The following TBC1D31 variants were observed in gnomAD, a reference collection of about 807,000 sequenced individuals.
The protein encoded by TBC1D31 is TBC1 domain family member 31, also known as WD repeat domain 67.
TBC1D31 carries 99 observed loss-of-function variants against 132.9 expected under a neutral mutation model. The ratio of observed to expected loss-of-function variants is 0.74; its 90% CI spans 0.63 to 0.88. TBC1D31 has a LOEUF of 0.88. Among genes scored for constraint, TBC1D31 ranks in the 40% least tolerant of loss-of-function variants. The pLI, the probability that TBC1D31 is intolerant of heterozygous loss-of-function variation, is 0.00. For missense variants in TBC1D31, 1,134 were observed against 1,256.6 expected (o/e 0.90, Z 1.48); for synonymous variants, 385 against 419.4 (o/e 0.92, Z 1.00).
In TBC1D31 at chr8:123,149,836, T is replaced by C. The variant is rs558084444; in HGVS notation, c.2975-200T>C. Among the ~76,000 whole-genome samples the C allele has an allele frequency of 8.3e-4, 127 of 152,362 alleles. 1 individual carries two copies. Among genetic ancestry groups the C allele is most frequent in the Middle Eastern group, 3.4e-3 (1 of 294 alleles). On this transcript the variant is annotated intron_variant, in intron 20 of 21. Coordinates refer to ENST00000287380, the MANE Select transcript of TBC1D31 (RefSeq NM_145647.4). ...CTGAAAGTGTTTTTAAAGTACGTTT[T>C]ACAGAAATCAGCTCAGCTCTTAATT...
At chr8:123,081,891 G>A (rs1815195231) in intron 2 of TBC1D31, among the ~76,000 whole-genome samples, 1 of 152,096 alleles carries the variant, frequency 6.6e-6, no homozygotes, top group Non-Finnish European at 1.5e-5. Context: ...CAACATGTGG[G>A]AATTATGGGA....
intron 10 of TBC1D31, among the ~76,000 whole-genome samples, chr8:123,118,842 C>G (rs568072862): frequency 1.3e-5 from 2 of 152,306 alleles, no homozygotes; most frequent in East Asian, 3.9e-4. Flanking sequence ...AGGCAATCCT[C>G]TTGCCTCAGT....
At chr8:123,118,859 AGTAGTAGGCGTGT>A (rs1819200033) in intron 10 of TBC1D31, among the ~76,000 whole-genome samples, 1 of 152,140 alleles carries the variant, frequency 6.6e-6, no homozygotes, top group African/African-American at 2.4e-5. Context: ...CAGTCTCCTG[AGTAGTAGGCGTGT>A]GCCACCACAC....
At chr8:123,102,114 C>T (rs1817484475) in intron 7 of TBC1D31, 1 of 379,886 alleles carries the variant, frequency 2.6e-6, no homozygotes, top group African/African-American at 2.2e-5. Flanking sequence ...CCTCACTTCT[C>T]TTCTCTGGTT....
At chr8:123,158,824 G>A in the TBC1D31 span, among the ~76,000 whole-genome samples, 1 of 152,076 alleles carries the variant, frequency 6.6e-6, no homozygotes, top group Admixed American at 6.6e-5. Flanking sequence ...GGAGCTGCCG[G>A]GCGGGTGGCC....
intron 17 of TBC1D31, 57 bp from the exon 18 acceptor site, chr8:123,140,704 T>C (rs1038595075): frequency 2.8e-6 from 4 of 1,430,254 alleles, no homozygotes; most frequent in Non-Finnish European, 3.8e-6. Flanking sequence ...AAAAAGTCAT[T>C]TTTGTATTCT....
intron 16 of TBC1D31, among the ~76,000 whole-genome samples, chr8:123,131,695 C>T (rs1479763192): frequency 6.6e-6 from 1 of 152,104 alleles, no homozygotes; most frequent in Admixed American, 6.5e-5. Flanking sequence ...TGAGTACTTG[C>T]ACACATACTT....
intron 1 of TBC1D31, chr8:123,073,164 C>T (rs1000903869): frequency 1.4e-5 from 7 of 491,856 alleles, no homozygotes; most frequent in African/African-American, 1.4e-4. Flanking sequence ...GCTAGTGTCC[C>T]TGGCACGTAG....
rs149227080 is a variant in TBC1D31, at chr8:123,128,614, C to T, written c.2117+101C>T. The T allele has an allele frequency of 2.2e-3, 1,963 of 901,494 alleles. 25 individuals carry two copies. In the African/African-American group the frequency reaches 0.029, roughly 14 times the overall value. 55.8% of individuals were successfully genotyped at this position (901,494 alleles called of 1,614,324 possible). A position where few individuals can be genotyped will look rare whatever the true frequency, so the allele number is the denominator to read the frequency against. On this transcript the variant is annotated intron_variant, in intron 14 of 21. Transcript: ENST00000287380. Reference sequence around the variant, plus strand: ...ACATTTGGCTGAGCGCGGTGGCTCACGCCTATAGTCCCAGCACTTTGGGAG... The same window carrying T: ...ACATTTGGCTGAGCGCGGTGGCTCATGCCTATAGTCCCAGCACTTTGGGAG...
Position 123,128,291 on chromosome 8 carries a change from A to T in TBC1D31, c.1895A>T (p.His632Leu). ...NLKDDFEFFF[H>L]HRNNLDINVV... ...CAAGTTTTCTTACAGTTTTTTTTTC[A>T]CCATCGGAATAACCTGGATATAAAT... Residue 632 changes from histidine to leucine, a missense_variant, in exon 14 of 22, where the codon CAC becomes CTC. Transcript: ENST00000287380. The T allele has an allele frequency of 6.3e-7, 1 of 1,580,504 alleles. No homozygotes were observed.
Position 123,134,109 on chromosome 8 carries a change from C to A in TBC1D31, c.2407-5C>A. 1 of 1,605,082 alleles carries A rather than the reference C, an allele frequency of 6.2e-7. No individual in the cohort carries two copies. Among genetic ancestry groups the A allele is most frequent in the East Asian group, 2.2e-5 (1 of 44,736 alleles). On this transcript the variant is annotated splice_region_variant and splice_polypyrimidine_tract_variant and intron_variant, in intron 16 of 21. Coordinates refer to ENST00000287380, the MANE Select transcript of TBC1D31 (RefSeq NM_145647.4). ...TGGTATTTACAGTTTGTTGTTTGGC[C>A]ATAGGTATATATGAGAGATCGAGAA... is the stretch of plus-strand genomic sequence containing the variant.
intron 4 of TBC1D31, among the ~76,000 whole-genome samples, chr8:123,091,222 A>G (rs1816293747): frequency 6.6e-6 from 1 of 152,176 alleles, no homozygotes; most frequent in Non-Finnish European, 1.5e-5. Context: ...AAAATATGGC[A>G]ATTAAAATCA....
At chr8:123,136,910 G>A (rs1014681241) in intron 17 of TBC1D31, among the ~76,000 whole-genome samples, 1 of 152,168 alleles carries the variant, frequency 6.6e-6, no homozygotes, top group Admixed American at 6.5e-5. Context: ...AACTTTATCT[G>A]GTCAGTTAGG....
At chr8:123,139,781 T>G (rs1464938337) in intron 17 of TBC1D31, among the ~76,000 whole-genome samples, 1 of 152,164 alleles carries the variant, frequency 6.6e-6, no homozygotes, top group Non-Finnish European at 1.5e-5. Flanking sequence ...CTGTTAAGCT[T>G]TTTACTTAGC....
chr8:123,152,150 T>A lies in TBC1D31; in HGVS notation c.*211T>A. 2.4e-6 allele frequency: 1 copy of A among 421,374 alleles called. No homozygotes were observed. The highest frequency in any genetic ancestry group is 4.0e-6 in the Non-Finnish European group (1 of 252,688). The allele number at this position is 421,374 out of a possible 1,614,324, so 26.1% of individuals were successfully genotyped here. On this transcript the variant is annotated 3_prime_UTR_variant, in exon 22 of 22. Coordinates refer to ENST00000287380, the MANE Select transcript of TBC1D31 (RefSeq NM_145647.4). Reference sequence around the variant, plus strand: ...ACAATAAAAATGTTTTAGAAACTGTTAAAGCTGTGTTAAGCTTTCAGGTTG... The same window carrying A: ...ACAATAAAAATGTTTTAGAAACTGTAAAAGCTGTGTTAAGCTTTCAGGTTG...
the TBC1D31 span, among the ~76,000 whole-genome samples, chr8:123,158,329 G>A: frequency 1.3e-5 from 2 of 152,112 alleles, no homozygotes; most frequent in Non-Finnish European, 2.9e-5. Context: ...GCACATTGAG[G>A]ATTTGTACTT....
chr8:123,136,771 G>A (rs1171379002), intron 17 of TBC1D31, among the ~76,000 whole-genome samples: 1 of 152,090 alleles, frequency 6.6e-6, no homozygotes, highest in Non-Finnish European at 1.5e-5. Flanking sequence ...TTTTTTCTGT[G>A]TATCAGAATG....
downstream of TBC1D31, among the ~76,000 whole-genome samples, chr8:123,157,090 CG>C (rs906493566): frequency 1.3e-5 from 2 of 152,214 alleles, no homozygotes; most frequent in African/African-American, 4.8e-5. Context: ...GTGGTCTTGG[CG>C]GGGGTACTTA....
chr8:123,132,057 C>G (rs1471089465), intron 16 of TBC1D31, among the ~76,000 whole-genome samples: 3 of 152,162 alleles, frequency 2.0e-5, no homozygotes, highest in Non-Finnish European at 4.4e-5. Context: ...GACTATTATC[C>G]AAGTCATTTG....
Sources: gnomAD v4.1 joint callset for allele counts (sites outside exome capture counted in the v4.1 genomes callset) on GRCh38, gnomAD v4.1.1 for gene constraint, MANE v1.5 for transcripts, NCBI Gene and HGNC (gene_info 2026-07-23, HGNC 2026-07-21) for gene names.